TERB2: variants seen among roughly 807,000 people sequenced by gnomAD.
The protein encoded by TERB2 is telomere repeat binding bouquet formation protein 2.
A neutral mutation model predicts 29.8 loss-of-function variants in TERB2; 26 were observed. The ratio of observed to expected loss-of-function variants is 0.87; its 90% confidence interval spans 0.64 to 1.21. The LOEUF is 1.21. Among genes scored for constraint, TERB2 ranks in the 50% most tolerant of loss-of-function variants. The pLI, the probability that TERB2 is intolerant of heterozygous loss-of-function variation, is 0.00. For synonymous variants in TERB2, 80 were observed against 90.8 expected (o/e 0.88, Z 0.68); for missense variants, 240 against 268.6 (o/e 0.89, Z 0.74).
intron 4 of TERB2, among the ~76,000 whole-genome samples, chr15:44,964,066 C>T (rs1302811235): frequency 6.6e-6 from 1 of 152,092 alleles, no homozygotes; most frequent in Non-Finnish European, 1.5e-5. Flanking sequence ...GCCTTGGCCT[C>T]CCAAAGTGCT....
intron 6 of TERB2, among the ~76,000 whole-genome samples, chr15:44,977,659 A>C (rs1892065473): frequency 6.6e-6 from 1 of 152,196 alleles, no homozygotes; most frequent in Non-Finnish European, 1.5e-5. Flanking sequence ...TTAACTCTGA[A>C]TTTATTATTT....
intron 6 of TERB2, among the ~76,000 whole-genome samples, chr15:44,974,403 T>G (rs1341890780): frequency 6.6e-6 from 1 of 152,170 alleles, no homozygotes; most frequent in Non-Finnish European, 1.5e-5. Flanking sequence ...TATATAAATA[T>G]TTTAAAAACC....
chr15:44,964,099 G>A (rs1891849203), intron 4 of TERB2, among the ~76,000 whole-genome samples: 2 of 152,250 alleles, frequency 1.3e-5, no homozygotes, highest in South Asian at 4.1e-4. Flanking sequence ...GTGAGCCACT[G>A]TGCCTGGCCT....
intron 2 of TERB2, among the ~76,000 whole-genome samples, chr15:44,957,848 G>A (rs2141237770): frequency 7.0e-6 from 1 of 143,362 alleles, no homozygotes; most frequent in Middle Eastern, 3.6e-3. Flanking sequence ...TTTAGATCGT[G>A]GCTGTGCCTG....
intron 6 of TERB2, among the ~76,000 whole-genome samples, chr15:44,976,750 G>C (rs899853607): frequency 1.3e-5 from 2 of 152,048 alleles, no homozygotes; most frequent in Non-Finnish European, 2.9e-5. Context: ...CAATTTATCT[G>C]GATAACACAG....
chr15:44,960,389 A>G (rs1440484783), intron 3 of TERB2, among the ~76,000 whole-genome samples: 1 of 152,176 alleles, frequency 6.6e-6, no homozygotes, highest in Middle Eastern at 3.2e-3. Flanking sequence ...CTGTAATCCC[A>G]GCTACTCTAG....
chr15:44,965,606 T>A (rs922086436), intron 4 of TERB2, among the ~76,000 whole-genome samples: 11 of 144,812 alleles, frequency 7.6e-5, no homozygotes, highest in East Asian at 2.0e-4. Context: ...TTTATATATT[T>A]AATAGATATA....
intron 6 of TERB2, among the ~76,000 whole-genome samples, chr15:44,974,488 T>G (rs1892015345): frequency 6.6e-6 from 1 of 152,178 alleles, no homozygotes; most frequent in Non-Finnish European, 1.5e-5. Flanking sequence ...TATACATGGA[T>G]TACCCAGATG....
At chr15:44,959,387 G>T (rs1891768109) in intron 3 of TERB2, among the ~76,000 whole-genome samples, 1 of 151,858 alleles carries the variant, frequency 6.6e-6, no homozygotes, top group Admixed American at 6.6e-5. Flanking sequence ...TTATTATTTT[G>T]AGATGGAGTC....
At chr15:44,967,618 C>T (rs1448264480) in intron 5 of TERB2, among the ~76,000 whole-genome samples, 1 of 151,660 alleles carries the variant, frequency 6.6e-6, no homozygotes, top group African/African-American at 2.4e-5. Flanking sequence ...TTTATCAGTG[C>T]CTGGAAATGT....
chr15:44,974,223 G>A (rs1182975096), intron 6 of TERB2, among the ~76,000 whole-genome samples: 1 of 152,148 alleles, frequency 6.6e-6, no homozygotes, highest in Admixed American at 6.6e-5. Flanking sequence ...AGTTTAAGCT[G>A]TTGTTCTGGC....
intron 5 of TERB2, among the ~76,000 whole-genome samples, chr15:44,968,115 AT>A (rs981685390): frequency 4.2e-5 from 6 of 143,052 alleles, no homozygotes; most frequent in Non-Finnish European, 7.5e-5. Context: ...AGGGACGTTG[AT>A]TTTTTTTACA....
intron 6 of TERB2, among the ~76,000 whole-genome samples, chr15:44,974,721 A>C (rs1006326460): frequency 6.6e-6 from 1 of 152,196 alleles, no homozygotes; most frequent in Non-Finnish European, 1.5e-5. Flanking sequence ...TTTTTAAAAA[A>C]TTGCTTTTAA....
rs781585236 is a variant in TERB2 at position 44,956,786 on chromosome 15, G to A, written c.64+4G>A. The A allele has an allele frequency of 6.2e-7, 1 of 1,613,976 alleles. No individual in the cohort carries two copies. The highest frequency in any genetic ancestry group is 8.5e-7 in the Non-Finnish European group (1 of 1,179,920). On this transcript the variant is annotated splice_donor_region_variant and intron_variant, in intron 1 of 6. Coordinates refer to ENST00000340827, the MANE Select transcript of TERB2 (RefSeq NM_152448.3). ...CAGGATCTGAGGCAATTCTGGGGTA[G>A]GAAGCTGAGTGGAAGCAGCGGGTTA... is the stretch of plus-strand genomic sequence containing the variant.
intron 4 of TERB2, among the ~76,000 whole-genome samples, chr15:44,961,949 C>A (rs1282893815): frequency 1.3e-5 from 2 of 152,002 alleles, no homozygotes; most frequent in African/African-American, 2.4e-5. Flanking sequence ...ATCCGCCCAC[C>A]TTGACCTCCC....
At chr15:44,956,815 G>T (rs2141237172) in intron 1 of TERB2, 33 bp downstream of exon 1, 4 of 1,611,968 alleles carry the variant, frequency 2.5e-6, no homozygotes, top group Non-Finnish European at 3.4e-6. Context: ...CGGGTTAGGT[G>T]GTGAGGGGAG....
At chr15:44,972,636 C>T (rs1302153902) in intron 5 of TERB2, among the ~76,000 whole-genome samples, 1 of 151,476 alleles carries the variant, frequency 6.6e-6, no homozygotes, top group Admixed American at 6.6e-5. Flanking sequence ...TTGCCTCAGC[C>T]TCCCGAATAG....
At chr15:44,978,317 G>T (rs371478520) in intron 6 of TERB2, among the ~76,000 whole-genome samples, 172 bp from the exon 7 acceptor site, 1 of 152,036 alleles carries the variant, frequency 6.6e-6, no homozygotes, top group Non-Finnish European at 1.5e-5. Flanking sequence ...AGGTGTTCCC[G>T]GATAATTATA....
At position 44,979,205 on chromosome 15, in the gene TERB2, T is replaced by G. The variant is rs1040717575; in HGVS notation, c.*577T>G. On this transcript the variant is annotated 3_prime_UTR_variant, in exon 7 of 7. Transcript: ENST00000340827. ...ATGTTGGATGGTTTCTAATAATAAA[T>G]ATCTCAAAAGTGACTTAACATAAAC... 3 of 152,182 alleles carry G rather than the reference T, an allele frequency of 2.0e-5. No individual in the cohort carries two copies. Among genetic ancestry groups the G allele is most frequent in the African/African-American group, 7.2e-5 (3 of 41,448 alleles). The allele number at this position is 152,182 out of a possible 1,614,324, so 9.4% of individuals were successfully genotyped here.
Sources: allele counts gnomAD v4.1 joint callset (sites outside exome capture counted in the v4.1 genomes callset), GRCh38; gene constraint gnomAD v4.1.1; transcripts MANE v1.5; gene names NCBI Gene and HGNC (gene_info 2026-07-23, HGNC 2026-07-21).